Variants in ALKBH6 observed in about 807,000 individuals in gnomAD.
ALKBH6 encodes alkB homolog 6, nucleotide demethylase, also known as probable RNA/DNA demethylase ALKBH6.
In ALKBH6, 20 loss-of-function variants were observed where a neutral mutation model predicts 25.1. That is an observed-to-expected ratio of 0.80 (90% CI 0.56 to 1.16). ALKBH6 has a LOEUF of 1.16. Among genes scored for constraint, ALKBH6 ranks in the 50% most tolerant of loss-of-function variants. The pLI, the probability that ALKBH6 is intolerant of heterozygous loss-of-function variation, is 0.00. For synonymous variants in ALKBH6, 156 were observed against 147.5 expected (o/e 1.06, Z -0.42); for missense variants, 263 against 326.5 (o/e 0.81, Z 1.50).
At position 36,010,479 on chromosome 19, in the gene ALKBH6, C is replaced by T; in HGVS notation, c.453+88G>A. ...GGTATCTGGGAGAGTGCCAGGAGTA[C>T]CCCGAAGGCATGTGGGACCAGGTCA... On this transcript the variant is annotated intron_variant, in intron 6 of 6. Coordinates refer to ENST00000378875, the MANE Select transcript of ALKBH6 (RefSeq NM_032878.5). The surrounding 1 kb of genome is among the most constrained non-coding windows in gnomAD (Gnocchi z 5.5). 1.7e-6 allele frequency: 2 copies of T among 1,166,026 alleles called. No individual in the cohort carries two copies. The highest frequency in any genetic ancestry group is 2.5e-6 in the Non-Finnish European group (2 of 792,766). The allele number at this position is 1,166,026 out of a possible 1,614,324, so 72.2% of individuals were successfully genotyped here.
At chr19:36,009,947 GGAGA>G (rs1401589831) in intron 6 of ALKBH6, among the ~76,000 whole-genome samples, 1 of 152,118 alleles carries the variant, frequency 6.6e-6, no homozygotes, top group African/African-American at 2.4e-5. Flanking sequence ...GACCAGGTGA[GGAGA>G]GAGTGAGGCA....
rs1223620575 is a variant in ALKBH6 at position 36,014,201 on chromosome 19, C to G, written c.-52G>C. ...GTCCACCAGCGTCCCCTCCAATTTC[C>G]AAATTCAACATCCCCATCCCCCTCC... is the stretch of plus-strand genomic sequence containing the variant. On this transcript the variant is annotated 5_prime_UTR_variant, in exon 1 of 7. Transcript: ENST00000378875. 6.2e-7 allele frequency: 1 copy of G among 1,612,402 alleles called. No individual in the cohort carries two copies. Among genetic ancestry groups the G allele is most frequent in the African/African-American group, 1.3e-5 (1 of 74,786 alleles).
At chr19:36,009,898 A>G (rs569607822) in intron 6 of ALKBH6, among the ~76,000 whole-genome samples, 72 of 152,190 alleles carry the variant, frequency 4.7e-4, no homozygotes, top group African/African-American at 1.7e-3. Context: ...CCCAGGAAAT[A>G]CAGGCAGAGC....
rs1968577963 is a variant in ALKBH6, at chr19:36,010,642, G to T, written c.378C>A (p.Thr126=). The change falls in exon 6 of 7, where the codon ACC becomes ACA. Residue 126 remains threonine, a synonymous_variant. Coordinates refer to ENST00000378875, the MANE Select transcript of ALKBH6 (RefSeq NM_032878.5). The surrounding 1 kb of genome is among the most constrained non-coding windows in gnomAD (Gnocchi z 5.5). ...DGPLYYPTVS[T]ISLGSHTVLD... ...GCACGGTGTGGGAGCCCAGGCTGAT[G>T]GTGCTGACAGTCGGGTAGTACAGTG... is the stretch of plus-strand genomic sequence containing the variant. 4.3e-6 allele frequency: 7 copies of T among 1,614,006 alleles called. No individual in the cohort carries two copies. Among genetic ancestry groups the T allele is most frequent in the Non-Finnish European group, 5.9e-6 (7 of 1,179,942 alleles).
At chr19:36,009,667 A>G (rs1968534406) in intron 6 of ALKBH6, 114 bp from the exon 7 acceptor site, 1 of 735,714 alleles carries the variant, frequency 1.4e-6, no homozygotes, top group East Asian at 3.4e-5. Flanking sequence ...CTGAAGAGCA[A>G]GTGTGCTCAC....
Position 36,013,049 on chromosome 19 carries a change from T to G in ALKBH6, c.95A>C (p.Lys32Thr). ...TCGAAGCAAATACTCCTCCTCTTCTTTGGAGATGAAGTCAGGGACATAGTA... is the reference window on the plus strand; with the variant it reads ...TCGAAGCAAATACTCCTCCTCTTCTGTGGAGATGAAGTCAGGGACATAGTA... Reference protein sequence around the residue: ...VIYYVPDFISKEEEEYLLRQV... With the variant: ...VIYYVPDFISTEEEEYLLRQV... Residue 32 changes from lysine (K) to threonine (T), a missense_variant, in exon 3 of 7, where the codon AAA (lysine) becomes ACA (threonine). Lys to Thr is a moderately conservative substitution (Grantham distance 78). This residue lies in a region of ALKBH6 where 112 missense variants were observed against 153.0 expected (regional missense o/e 0.73). Transcript: ENST00000378875. This position sits in a 1 kb window ranked among gnomAD's most constrained non-coding sequence, Gnocchi z 4.6. 6.2e-7 allele frequency: 1 copy of G among 1,613,954 alleles called. No homozygotes were observed. Among genetic ancestry groups the G allele is most frequent in the East Asian group, 2.2e-5 (1 of 44,878 alleles).
chr19:36,010,732 A>C lies in ALKBH6; in HGVS notation c.337-49T>G. On this transcript the variant is annotated intron_variant, in intron 5 of 6. Coordinates refer to ENST00000378875, the MANE Select transcript of ALKBH6 (RefSeq NM_032878.5). This position sits in a 1 kb window ranked among gnomAD's most constrained non-coding sequence, Gnocchi z 5.5. ...GGCAGGGCAGGAGTCCACAACCCCC[A>C]CCCTCTGGGTCAAAGGGGGGCTTCC... 2 of 1,585,270 alleles carry C rather than the reference A, an allele frequency of 1.3e-6. No homozygotes were observed. The highest frequency in any genetic ancestry group is 2.2e-5 in the South Asian group (2 of 90,234).
intron 6 of ALKBH6, among the ~76,000 whole-genome samples, chr19:36,009,796 A>G (rs1968540681): frequency 6.7e-6 from 1 of 149,208 alleles, no homozygotes; most frequent in East Asian, 2.0e-4. Flanking sequence ...TAGGTGGCAG[A>G]TGGGGGCGTC....
In ALKBH6 at chr19:36,010,727, C is replaced by T; in HGVS notation, c.337-44G>A. On this transcript the variant is annotated intron_variant, in intron 5 of 6. Coordinates refer to ENST00000378875, the MANE Select transcript of ALKBH6 (RefSeq NM_032878.5). The surrounding 1 kb of genome is among the most constrained non-coding windows in gnomAD (Gnocchi z 5.5). ...GGCTGGGCAGGGCAGGAGTCCACAA[C>T]CCCCACCCTCTGGGTCAAAGGGGGG... is the stretch of plus-strand genomic sequence containing the variant. The T allele has an allele frequency of 1.9e-6, 3 of 1,590,724 alleles. No individual in the cohort carries two copies. Among genetic ancestry groups the T allele is most frequent in the Non-Finnish European group, 2.6e-6 (3 of 1,160,262 alleles).
chr19:36,009,442 C>A lies in ALKBH6; in HGVS notation c.565G>T (p.Val189Leu). 8.0e-7 allele frequency: 1 copy of A among 1,245,372 alleles called. No individual in the cohort carries two copies. Among genetic ancestry groups the A allele is most frequent in the Non-Finnish European group, 1.0e-6 (1 of 996,662 alleles). 77.1% of individuals were successfully genotyped at this position (1,245,372 alleles called of 1,614,324 possible). Residue 189 changes from valine to leucine, a missense_variant, in exon 7 of 7, where the codon GTA becomes TTA. Val to Leu is a conservative substitution (Grantham distance 32, BLOSUM62 1). Coordinates refer to ENST00000378875, the MANE Select transcript of ALKBH6 (RefSeq NM_032878.5). ...GAGGAGGCGGCGTCCAGCGCGTCTA[C>A]GCGGGCGGCGGCGATGCCGTGGAGA... ...RLLHGIAAARVDALDAASSPP... is the reference protein window; with the variant it reads ...RLLHGIAAARLDALDAASSPP...
Position 36,011,063 on chromosome 19 carries a change from G to A in ALKBH6, c.185-18C>T. The stretch of plus-strand genomic sequence containing the variant: ...AAGCCCACCTGGGGAAGGCAATGGG[G>A]TCCTGAGGGCCCCCCTATAGCAATA... On this transcript the variant is annotated intron_variant, in intron 4 of 6. Coordinates refer to ENST00000378875, the MANE Select transcript of ALKBH6 (RefSeq NM_032878.5). 1 of 1,584,966 alleles carries A rather than the reference G, an allele frequency of 6.3e-7. No homozygotes were observed. The highest frequency in any genetic ancestry group is 1.3e-5 in the African/African-American group (1 of 74,174).
chr19:36,009,692 T>A, intron 6 of ALKBH6, 139 bp from the exon 7 acceptor site: 1 of 606,412 alleles, frequency 1.6e-6, no homozygotes, highest in Non-Finnish European at 2.4e-6. Context: ...ATGGAGGCTT[T>A]GGTGGTTCAG....
Position 36,010,516 on chromosome 19 carries a change from G to A in ALKBH6, c.453+51C>T, listed in dbSNP as rs553014756. ...GTGGGACCAGGTCATCTTGGAGGAT[G>A]TGCGAGGTTGAAGTGCCTACAAGCA... On this transcript the variant is annotated intron_variant, in intron 6 of 6. Transcript: ENST00000378875. The surrounding 1 kb of genome is among the most constrained non-coding windows in gnomAD (Gnocchi z 5.5). The A allele has an allele frequency of 1.8e-4, 267 of 1,473,116 alleles. 2 individuals are homozygous for A. In the South Asian group the frequency reaches 3.0e-3, roughly 16 times the overall value. The allele number at this position is 1,473,116 out of a possible 1,614,324, so 91.3% of individuals were successfully genotyped here.
chr19:36,013,886 T>G lies in ALKBH6; in HGVS notation c.-26+289A>C. ...ATTCTGTGCACTCCTGTGACCCCAATCTGAGCCTCCTCAGACATGTCCACC... is the reference window on the plus strand; with the variant it reads ...ATTCTGTGCACTCCTGTGACCCCAAGCTGAGCCTCCTCAGACATGTCCACC... On this transcript the variant is annotated intron_variant, in intron 1 of 6. Transcript: ENST00000378875. The surrounding 1 kb of genome is among the most constrained non-coding windows in gnomAD (Gnocchi z 4.6). 1.6e-6 allele frequency: 2 copies of G among 1,250,074 alleles called. No individual in the cohort carries two copies. The highest frequency in any genetic ancestry group is 2.0e-6 in the Non-Finnish European group (2 of 992,208). The allele number at this position is 1,250,074 out of a possible 1,614,324, so 77.4% of individuals were successfully genotyped here.
chr19:36,013,147 A>C lies in ALKBH6; in HGVS notation c.55-58T>G. The C allele has an allele frequency of 6.5e-7, 1 of 1,543,028 alleles. No homozygotes were observed. The highest frequency in any genetic ancestry group is 9.0e-7 in the Non-Finnish European group (1 of 1,116,130). ...CTTCAACCCACACAGAGGACATATC[A>C]TCACAGAGCAACCCCTATGCCTGGA... is the stretch of plus-strand genomic sequence containing the variant. On this transcript the variant is annotated intron_variant, in intron 2 of 6. Transcript: ENST00000378875. The surrounding 1 kb of genome is among the most constrained non-coding windows in gnomAD (Gnocchi z 4.6).
chr19:36,012,791 C>T (rs1411938596), intron 3 of ALKBH6: 1 of 526,536 alleles, frequency 1.9e-6, no homozygotes, highest in Non-Finnish European at 3.4e-6. Context: ...ATTCTTTACT[C>T]CCCAGTCTCA....
At chr19:36,009,598 G>A in intron 6 of ALKBH6, 45 bp from the exon 7 acceptor site, 1 of 1,143,768 alleles carries the variant, frequency 8.7e-7, no homozygotes, top group South Asian at 4.3e-5. Context: ...AAGTCGGGGG[G>A]TGGGGGTGGG....
At chr19:36,012,212 G>A (rs1396933102) in intron 3 of ALKBH6, 1 of 152,252 alleles carries the variant, frequency 6.6e-6, no homozygotes, top group African/African-American at 2.4e-5. Context: ...GACAGTTTGA[G>A]TTCTGCAACC....
At chr19:36,012,614 T>C (rs759110044) in intron 3 of ALKBH6, 17 of 170,064 alleles carry the variant, frequency 1.0e-4, no homozygotes, top group Non-Finnish European at 1.6e-4. Flanking sequence ...ACTCTGAGCT[T>C]TGAAAATTCT....
Sources: allele counts gnomAD v4.1 joint callset (sites outside exome capture counted in the v4.1 genomes callset), GRCh38; gene constraint gnomAD v4.1.1; regional missense constraint gnomAD v4.1.1; non-coding constraint Gnocchi (gnomAD v3.1); transcripts MANE v1.5; gene names NCBI Gene and HGNC (gene_info 2026-07-23, HGNC 2026-07-21).